Variants in APPBP2 observed in about 807,000 individuals in gnomAD.
The protein encoded by APPBP2 is amyloid protein-binding protein 2.
A neutral mutation model predicts 76.0 loss-of-function variants in APPBP2; 15 were observed. That is an observed-to-expected ratio of 0.20 (90% CI 0.13 to 0.30). The LOEUF (loss-of-function observed/expected upper bound fraction) is 0.30, where lower values mean the gene tolerates loss of function less well. Among genes scored for constraint, APPBP2 ranks in the 10% least tolerant of loss-of-function variants. The pLI, the probability that APPBP2 is intolerant of heterozygous loss-of-function variation, is 1.00. For missense variants in APPBP2, 401 were observed against 687.2 expected (o/e 0.58, Z 4.66); for synonymous variants, 222 against 242.2 (o/e 0.92, Z 0.77).
chr17:60,459,946 T>C (rs2090464880), intron 9 of APPBP2: 1 of 152,258 alleles, frequency 6.6e-6, no homozygotes, highest in Non-Finnish European at 1.5e-5. Flanking sequence ...CTTTAAATTT[T>C]AGTGTCCATT....
chr17:60,517,265 C>A (rs936406673), intron 1 of APPBP2, among the ~76,000 whole-genome samples: 3 of 152,118 alleles, frequency 2.0e-5, no homozygotes, highest in African/African-American at 7.2e-5. Flanking sequence ...CGTGAGCCAC[C>A]ATGTTGGGCC....
At position 60,447,396 on chromosome 17, in the gene APPBP2, T is replaced by A; in HGVS notation, c.*185A>T. 1.7e-6 allele frequency: 1 copy of A among 576,832 alleles called. No homozygotes were observed. 35.7% of individuals were successfully genotyped at this position (576,832 alleles called of 1,614,324 possible). On this transcript the variant is annotated 3_prime_UTR_variant, in exon 13 of 13. Coordinates refer to ENST00000083182, the MANE Select transcript of APPBP2 (RefSeq NM_006380.5). The stretch of plus-strand genomic sequence containing the variant: ...TTACACATGCGGTACATGCTGAATA[T>A]AACTGAATATATGCTTATTCCTACA...
intron 3 of APPBP2, among the ~76,000 whole-genome samples, chr17:60,487,088 T>G (rs1184223536): frequency 6.6e-6 from 1 of 152,220 alleles, no homozygotes; most frequent in Non-Finnish European, 1.5e-5. Flanking sequence ...GGGTTCCCTT[T>G]GTGGGTAACC....
chr17:60,505,686 T>G (rs1016152358), intron 1 of APPBP2, among the ~76,000 whole-genome samples: 5 of 137,166 alleles, frequency 3.6e-5, no homozygotes, highest in East Asian at 2.0e-4. Context: ...GTTTTTTTTT[T>G]TTTTTTTTTT....
At chr17:60,511,581 T>C (rs111248687) in intron 1 of APPBP2, among the ~76,000 whole-genome samples, 11,746 of 143,700 alleles carry the variant, frequency 0.082, 1,598 homozygotes, top group African/African-American at 0.29. Flanking sequence ...AAGACTCCAT[T>C]GAAAAAAAAA....
intron 9 of APPBP2, chr17:60,459,974 T>G (rs2090465092): frequency 6.6e-6 from 1 of 152,232 alleles, no homozygotes; most frequent in Non-Finnish European, 1.5e-5. Flanking sequence ...CTTGGGGGAT[T>G]TCCCCCTCAC....
chr17:60,478,297 T>C (rs1439419303), intron 4 of APPBP2, among the ~76,000 whole-genome samples: 1 of 151,918 alleles, frequency 6.6e-6, no homozygotes, highest in African/African-American at 2.4e-5. Context: ...TGTATGAAAA[T>C]AGCTAAAGGT....
chr17:60,459,160 T>C (rs1394292185), intron 9 of APPBP2, among the ~76,000 whole-genome samples: 1 of 152,184 alleles, frequency 6.6e-6, no homozygotes, highest in Non-Finnish European at 1.5e-5. Flanking sequence ...TTATGTTTTG[T>C]AATTTTTAAT....
intron 9 of APPBP2, among the ~76,000 whole-genome samples, chr17:60,458,779 TTTG>T (rs2090451850): frequency 6.8e-6 from 1 of 146,694 alleles, no homozygotes; most frequent in Non-Finnish European, 1.5e-5. Flanking sequence ...GGTTTTTTTT[TTTG>T]TTTTTTTTTT....
rs62082109 is a variant in APPBP2, at chr17:60,447,250, T to C, written c.*331A>G. On this transcript the variant is annotated 3_prime_UTR_variant, in exon 13 of 13. Transcript: ENST00000083182. ...AATGCAACTCTTTTAAACTCTTAAA[T>C]AGTTTTATTTAGGGGTATTTTTTTT... is the stretch of plus-strand genomic sequence containing the variant. 6.5e-3 allele frequency: 1,328 copies of C among 203,984 alleles called. 15 individuals are homozygous for C. Among genetic ancestry groups the C allele is most frequent in the South Asian group, 0.033 (231 of 6,992 alleles). The allele number at this position is 203,984 out of a possible 1,614,324, so 12.6% of individuals were successfully genotyped here. A position where few individuals can be genotyped will look rare whatever the true frequency, so the allele number is the denominator to read the frequency against.
chr17:60,467,097 T>A (rs879936508), intron 4 of APPBP2, among the ~76,000 whole-genome samples: 2 of 152,208 alleles, frequency 1.3e-5, no homozygotes, highest in Non-Finnish European at 2.9e-5. Context: ...CAACAGACTG[T>A]GTATCTATAT....
intron 1 of APPBP2, among the ~76,000 whole-genome samples, chr17:60,502,133 A>G (rs2090828173): frequency 6.6e-6 from 1 of 152,210 alleles, no homozygotes; most frequent in Non-Finnish European, 1.5e-5. Flanking sequence ...AGCTCAATGC[A>G]GCACTGCAGT....
At chr17:60,461,668 T>TA (rs2090476781) in intron 8 of APPBP2, 142 bp downstream of exon 8, 1 of 597,552 alleles carries the variant, frequency 1.7e-6, no homozygotes, top group Non-Finnish European at 3.0e-6. Flanking sequence ...AGGTAATACT[T>TA]AATAAAATAA....
chr17:60,467,624 T>C (rs1163737335), intron 4 of APPBP2, among the ~76,000 whole-genome samples: 1 of 152,220 alleles, frequency 6.6e-6, no homozygotes, highest in Non-Finnish European at 1.5e-5. Flanking sequence ...AAGACTTTCA[T>C]TTAAGGATAA....
At chr17:60,468,628 G>A (rs954658193) in intron 4 of APPBP2, 6 of 150,822 alleles carry the variant, frequency 4.0e-5, no homozygotes, top group Non-Finnish European at 5.9e-5. Context: ...TAAACAAAAG[G>A]GCAAATTAAA....
intron 1 of APPBP2, among the ~76,000 whole-genome samples, chr17:60,511,380 A>T (rs2090911565): frequency 6.6e-6 from 1 of 152,024 alleles, no homozygotes; most frequent in African/African-American, 2.4e-5. Flanking sequence ...AGGTCAGGAG[A>T]TCGAGACCAT....
In APPBP2 at chr17:60,472,130, A is replaced by C. The variant is rs143369935; in HGVS notation, c.504-5671T>G. On this transcript the variant is annotated intron_variant, in intron 4 of 12. Transcript: ENST00000083182. Reference sequence around the variant, plus strand: ...AAAAGAGTAAGACTCTGTCTCATAAAATAAAGCAAATAAAATGAAAATGGA... The same window carrying C: ...AAAAGAGTAAGACTCTGTCTCATAACATAAAGCAAATAAAATGAAAATGGA... Among the ~76,000 whole-genome samples the C allele has an allele frequency of 5.4e-3, 818 of 152,282 alleles. 9 individuals are homozygous for C. The highest frequency in any genetic ancestry group is 0.018 in the African/African-American group (760 of 41,538).
chr17:60,502,571 A>C lies in APPBP2; in HGVS notation c.139-2084T>G, dbSNP rs947406052. Among the ~76,000 whole-genome samples, 3 of 131,300 alleles carry C rather than the reference A, an allele frequency of 2.3e-5. 1 individual carries two copies. The highest frequency in any genetic ancestry group is 9.1e-5 in the African/African-American group (2 of 21,960). 86.1% of individuals were successfully genotyped at this position (131,300 alleles called of 152,430 possible). A position where few individuals can be genotyped will look rare whatever the true frequency, so the allele number is the denominator to read the frequency against. ...ATTTCTTTTTAAAAAAAGAATAAAC[A>C]GGCTGGGCATGGTGGCTCACGCCTG... On this transcript the variant is annotated intron_variant, in intron 1 of 12. Coordinates refer to ENST00000083182, the MANE Select transcript of APPBP2 (RefSeq NM_006380.5).
chr17:60,504,044 T>G (rs899546345), intron 1 of APPBP2, among the ~76,000 whole-genome samples: 3 of 152,186 alleles, frequency 2.0e-5, no homozygotes, highest in African/African-American at 7.2e-5. Context: ...GTTAATCCCC[T>G]CATAGATTCA....
Sources: allele counts gnomAD v4.1 joint callset (sites outside exome capture counted in the v4.1 genomes callset), GRCh38; gene constraint gnomAD v4.1.1; transcripts MANE v1.5; gene names NCBI Gene and HGNC (gene_info 2026-07-23, HGNC 2026-07-21).